CFAP100: variants seen among roughly 807,000 people sequenced by gnomAD.
CFAP100 encodes cilia and flagella associated protein 100.
CFAP100 carries 70 observed loss-of-function variants against 81.5 expected under a neutral mutation model. That is an observed-to-expected ratio of 0.86 (90% CI 0.71 to 1.05). The LOEUF (loss-of-function observed/expected upper bound fraction) is 1.05. CFAP100 is among the 50% of genes least tolerant of loss of function. The probability of loss-of-function intolerance (pLI) is 0.00; values close to 1 mark genes in which losing one functional copy is unlikely to be tolerated. For synonymous variants in CFAP100, 341 were observed against 314.8 expected, an observed-to-expected ratio of 1.08 and a Z score of -0.88; for missense variants, 811 against 776.5, an observed-to-expected ratio of 1.04 and a Z score of -0.53.
chr3:126,420,031 C>G lies in CFAP100; in HGVS notation c.955+10C>G. ...TCCATGTGGGCCAAAGGTGAGCTGC[C>G]GCCCCCAGCCTGAGGAGGAGCCTGG... On this transcript the variant is annotated intron_variant, in intron 10 of 16. Coordinates refer to ENST00000352312, the MANE Select transcript of CFAP100 (RefSeq NM_182628.3). 1 of 1,613,198 alleles carries G rather than the reference C, an allele frequency of 6.2e-7. No homozygotes were observed. Among genetic ancestry groups the G allele is most frequent in the Non-Finnish European group, 8.5e-7 (1 of 1,179,976 alleles).
chr3:126,418,206 G>C, intron 5 of CFAP100: 1 of 508,904 alleles, frequency 2.0e-6, no homozygotes, highest in Non-Finnish European at 3.6e-6. Context: ...CAAGAAAGGC[G>C]CAAGTCAGAC....
intron 1 of CFAP100, among the ~76,000 whole-genome samples, chr3:126,395,625 A>T (rs1321628724): frequency 6.6e-6 from 1 of 152,324 alleles, no homozygotes. Context: ...CTCTCTAAAG[A>T]GGTGACATTT....
intron 3 of CFAP100, among the ~76,000 whole-genome samples, chr3:126,413,221 G>A (rs1236867186): frequency 2.0e-5 from 3 of 152,174 alleles, no homozygotes; most frequent in African/African-American, 7.2e-5. Flanking sequence ...GCCACCCAGA[G>A]CCTTGGAGCC....
intron 2 of CFAP100, among the ~76,000 whole-genome samples, chr3:126,400,529 G>T (rs148758774): frequency 1.3e-5 from 2 of 152,000 alleles, no homozygotes; most frequent in Non-Finnish European, 2.9e-5. Flanking sequence ...CAAGGCGGGC[G>T]GATCACGAGG....
intron 13 of CFAP100, among the ~76,000 whole-genome samples, chr3:126,427,498 C>T (rs979844815): frequency 4.6e-5 from 7 of 151,782 alleles, no homozygotes; most frequent in South Asian, 2.1e-4. Flanking sequence ...CCCTCAGTGC[C>T]GTGTCTGTAT....
intron 4 of CFAP100, 99 bp downstream of exon 4, chr3:126,414,278 C>G (rs547463139): frequency 1.2e-6 from 1 of 846,556 alleles, no homozygotes; most frequent in Admixed American, 1.7e-5. Flanking sequence ...GCACTTTCCT[C>G]AGGTCCTTCT....
Position 126,407,162 on chromosome 3 carries a change from G to A in CFAP100, c.50-10G>A. 6.2e-7 allele frequency: 1 copy of A among 1,609,970 alleles called. No homozygotes were observed. Among genetic ancestry groups the A allele is most frequent in the Middle Eastern group, 1.7e-4 (1 of 6,042 alleles). On this transcript the variant is annotated splice_polypyrimidine_tract_variant and intron_variant, in intron 2 of 16. Transcript: ENST00000352312. ...TCACTGCTGCGGCCCTCACTTTTGT[G>A]TCTCCTCAGAGAACAGCCTGGAATC...
In CFAP100 at chr3:126,417,315, G is replaced by A. The variant is rs370194233; in HGVS notation, c.418+807G>A. Among the ~76,000 whole-genome samples, 127 of 152,252 alleles carry A rather than the reference G, an allele frequency of 8.3e-4. No homozygotes were observed. In the South Asian group the frequency reaches 0.024, roughly 29 times the overall value. On this transcript the variant is annotated intron_variant, in intron 5 of 16. Transcript: ENST00000352312. Reference sequence around the variant, plus strand: ...GTAAGAACCATGTATGTGTGTGAGCGGTGGAAATCTTAAGTACTGAATATG... The same window carrying A: ...GTAAGAACCATGTATGTGTGTGAGCAGTGGAAATCTTAAGTACTGAATATG...
rs547387546 is a variant in CFAP100, at chr3:126,435,654, T to C, written c.1722+2T>C. ...GCCCAGGCTGAGATCAAGAAGAAGG[T>C]AGGCAGGGTCGCCTTGGGGGGTCTC... On this transcript the variant is annotated splice_donor_variant, in intron 16 of 16. Transcript: ENST00000352312. LOFTEE classifies it high-confidence loss of function. 2 of 1,608,844 alleles carry C rather than the reference T, an allele frequency of 1.2e-6. No individual in the cohort carries two copies. Among genetic ancestry groups the C allele is most frequent in the South Asian group, 1.1e-5 (1 of 90,636 alleles).
chr3:126,419,385 G>T (rs1204244375), intron 8 of CFAP100, among the ~76,000 whole-genome samples: 1 of 152,232 alleles, frequency 6.6e-6, no homozygotes, highest in Non-Finnish European at 1.5e-5. Context: ...TCAAAGGCTT[G>T]CCCAGCTACA....
At chr3:126,409,048 C>A (rs2083114569) in intron 3 of CFAP100, among the ~76,000 whole-genome samples, 1 of 152,212 alleles carries the variant, frequency 6.6e-6, no homozygotes. Flanking sequence ...CTCGGCCTCC[C>A]AAAGTGCTGG....
chr3:126,406,233 C>T (rs891583602), intron 2 of CFAP100, among the ~76,000 whole-genome samples: 2 of 152,314 alleles, frequency 1.3e-5, no homozygotes, highest in African/African-American at 4.8e-5. Flanking sequence ...CCCGCCTGTC[C>T]CACAAGACTC....
chr3:126,402,116 C>A (rs2082994855), intron 2 of CFAP100, among the ~76,000 whole-genome samples: 1 of 152,226 alleles, frequency 6.6e-6, no homozygotes, highest in African/African-American at 2.4e-5. Context: ...CACACCTGAC[C>A]CTGAGAAAGC....
chr3:126,425,440 C>T (rs1355805264), intron 13 of CFAP100, among the ~76,000 whole-genome samples: 1 of 152,164 alleles, frequency 6.6e-6, no homozygotes, highest in African/African-American at 2.4e-5. Flanking sequence ...AGGGAAAGCC[C>T]CAGGCTCAGA....
chr3:126,424,182 G>T (rs4487205), intron 13 of CFAP100, among the ~76,000 whole-genome samples: 1 of 152,204 alleles, frequency 6.6e-6, no homozygotes, highest in Non-Finnish European at 1.5e-5. Flanking sequence ...GCAGCATAAC[G>T]GGGACGGGAG....
Position 126,407,195 on chromosome 3 carries a change from A to G in CFAP100, c.73A>G (p.Ile25Val). 1 of 1,613,932 alleles carries G rather than the reference A, an allele frequency of 6.2e-7. No individual in the cohort carries two copies. The highest frequency in any genetic ancestry group is 8.5e-7 in the Non-Finnish European group (1 of 1,179,896). The change falls in exon 3 of 17, where the codon ATC (isoleucine) becomes GTC (valine). Residue 25 changes from isoleucine to valine, a missense_variant. Coordinates refer to ENST00000352312, the MANE Select transcript of CFAP100 (RefSeq NM_182628.3). The part of the protein sequence containing the change: ...NDKNSLESMN[I>V]SSSSSTEENP... ...AGAGAACAGCCTGGAATCCATGAAC[A>G]TCAGCTCTTCTTCAAGCACTGAAGA...
intron 3 of CFAP100, among the ~76,000 whole-genome samples, chr3:126,408,420 A>G (rs1188956357): frequency 6.6e-6 from 1 of 152,162 alleles, no homozygotes; most frequent in Non-Finnish European, 1.5e-5. Context: ...GAGCTCCTTC[A>G]GTCTCTGTGA....
chr3:126,400,394 T>A (rs1180188582), intron 2 of CFAP100, among the ~76,000 whole-genome samples: 1 of 152,124 alleles, frequency 6.6e-6, no homozygotes, highest in East Asian at 1.9e-4. Flanking sequence ...TTGGCGAGGA[T>A]GTGGGGAAAA....
chr3:126,398,688 G>A (rs376977728), intron 2 of CFAP100, among the ~76,000 whole-genome samples: 2 of 152,226 alleles, frequency 1.3e-5, no homozygotes, highest in African/African-American at 4.8e-5. Flanking sequence ...ATGATCTTCA[G>A]TAATCTAACC....
Sources: allele counts gnomAD v4.1 joint callset (sites outside exome capture counted in the v4.1 genomes callset), GRCh38; gene constraint gnomAD v4.1.1; transcripts MANE v1.5; gene names NCBI Gene and HGNC (gene_info 2026-07-23, HGNC 2026-07-21).